LRRIQ1: variants seen among roughly 807,000 people sequenced by gnomAD.
The protein encoded by LRRIQ1 is leucine rich repeats and IQ motif containing 1.
LRRIQ1 carries 210 observed loss-of-function variants against 211.9 expected under a neutral mutation model. That is an observed-to-expected ratio of 0.99 (90% confidence interval 0.89 to 1.11). The LOEUF is 1.11. LRRIQ1 is among the 50% of genes most tolerant of loss of function. LRRIQ1 has a pLI of 0.00. For missense variants in LRRIQ1, 2,136 were observed against 1,939.5 expected, an observed-to-expected ratio of 1.10 and a Z score of -1.90; for synonymous variants, 699 against 650.1, an observed-to-expected ratio of 1.08 and a Z score of -1.14.
intron 24 of LRRIQ1, among the ~76,000 whole-genome samples, chr12:85,226,561 A>G (rs1300802759): frequency 7.5e-6 from 1 of 132,836 alleles, no homozygotes; most frequent in Non-Finnish European, 1.6e-5. Context: ...TTTAAGTTCT[A>G]GGGTACATGT....
chr12:85,107,262 C>T (rs1369565356), intron 15 of LRRIQ1, among the ~76,000 whole-genome samples: 1 of 152,004 alleles, frequency 6.6e-6, no homozygotes, highest in Non-Finnish European at 1.5e-5. Context: ...TAATTTTTAT[C>T]ATTTTTGTTT....
In LRRIQ1 at chr12:85,056,912, G is replaced by T. The variant is rs1341356835; in HGVS notation, c.2119G>T (p.Glu707Ter). The part of the protein sequence containing the change: ...VSKEVNSLKS[E>*]IRNISEKCHE... ...TAAAGAAGTCAACTCTCTTAAATCT[G>T]AGATTAGAAATATTTCAGAAAAATG... Residue 707 changes from glutamate to a stop codon, truncating the protein, a stop_gained, in exon 8 of 27, where the codon GAG becomes TAG. Transcript: ENST00000393217. LOFTEE classifies it high-confidence loss of function. The T allele has an allele frequency of 6.2e-7, 1 of 1,613,122 alleles. No individual in the cohort carries two copies. Among genetic ancestry groups the T allele is most frequent in the Non-Finnish European group, 8.5e-7 (1 of 1,179,490 alleles).
rs1454465095 is a variant in LRRIQ1 at position 85,082,116 on chromosome 12, C to T, written c.2887+9018C>T. 4.6e-5 allele frequency among the ~76,000 whole-genome samples: 7 copies of T among 152,082 alleles called. No homozygotes were observed. The South Asian group carries it at 1.2e-3, about 27-fold the overall frequency. On this transcript the variant is annotated intron_variant, in intron 11 of 26. Coordinates refer to ENST00000393217, the MANE Select transcript of LRRIQ1 (RefSeq NM_001079910.2). ...TAAGAAAATTGGTAGGTGGGAAACT[C>T]TACTGGATTTTGTCTGTAAATATCT... is the stretch of plus-strand genomic sequence containing the variant.
chr12:85,175,645 T>C (rs1039067129), intron 24 of LRRIQ1, among the ~76,000 whole-genome samples: 7 of 152,074 alleles, frequency 4.6e-5, no homozygotes, highest in Non-Finnish European at 8.8e-5. Flanking sequence ...TTAGGTCTAA[T>C]GTTTAAGTCT....
chr12:85,125,361 AC>A (rs944134838), intron 17 of LRRIQ1, among the ~76,000 whole-genome samples: 31 of 152,112 alleles, frequency 2.0e-4, no homozygotes, highest in Admixed American at 7.2e-4. Context: ...AATCAAGTAA[AC>A]CCCCTTATAA....
At chr12:85,097,807 G>A (rs569539947) in intron 11 of LRRIQ1, among the ~76,000 whole-genome samples, 168 of 151,900 alleles carry the variant, frequency 1.1e-3, no homozygotes, top group African/African-American at 3.8e-3. Flanking sequence ...TTACAGTTTC[G>A]AAGGCTCATC....
chr12:85,094,760 T>C (rs1393673392), intron 11 of LRRIQ1, among the ~76,000 whole-genome samples: 1 of 152,182 alleles, frequency 6.6e-6, no homozygotes, highest in East Asian at 1.9e-4. Flanking sequence ...GGAATGTTTT[T>C]CCATTGTATT....
At chr12:85,150,690 C>G (rs964348958) in intron 19 of LRRIQ1, among the ~76,000 whole-genome samples, 1 of 151,620 alleles carries the variant, frequency 6.6e-6, no homozygotes, top group Non-Finnish European at 1.5e-5. Flanking sequence ...CATTTTCAAC[C>G]CTTTTCTTTC....
Position 85,056,341 on chromosome 12 carries a change from T to C in LRRIQ1, c.1548T>C (p.Asp516=). The part of the protein sequence containing the change: ...TDNKTELGNS[D]LKGNLKEQFP... ...ACAAAACTGAATTGGGAAACTCTGA[T>C]CTAAAAGGAAATCTGAAAGAACAGT... The change falls in exon 8 of 27, where the codon GAT becomes GAC. Residue 516 remains aspartate, a synonymous_variant. Coordinates refer to ENST00000393217, the MANE Select transcript of LRRIQ1 (RefSeq NM_001079910.2). The C allele has an allele frequency of 6.3e-7, 1 of 1,596,296 alleles. No individual in the cohort carries two copies. Among genetic ancestry groups the C allele is most frequent in the Non-Finnish European group, 8.5e-7 (1 of 1,175,426 alleles).
chr12:85,081,779 A>G (rs1047627581), intron 11 of LRRIQ1, among the ~76,000 whole-genome samples: 17 of 126,754 alleles, frequency 1.3e-4, no homozygotes, highest in Non-Finnish European at 9.3e-5. Flanking sequence ...GCTGGAGTGC[A>G]GTGGTGGGGT....
chr12:85,195,623 C>T lies in LRRIQ1; in HGVS notation c.4823-33894C>T, dbSNP rs548371184. 7.2e-5 allele frequency among the ~76,000 whole-genome samples: 11 copies of T among 151,732 alleles called. No homozygotes were observed. The East Asian group carries it at 2.1e-3, about 29-fold the overall frequency. ...AGAAAAAGCCTTTGACAAAATTCAA[C>T]AACCCTTCATGCTAAAAACTCTCAA... On this transcript the variant is annotated intron_variant, in intron 24 of 26. Coordinates refer to ENST00000393217, the MANE Select transcript of LRRIQ1 (RefSeq NM_001079910.2).
chr12:85,194,128 C>CTAAATATA, intron 24 of LRRIQ1, among the ~76,000 whole-genome samples: 1 of 88,902 alleles, frequency 1.1e-5, no homozygotes. Context: ...GCTAACTATC[C>CTAAATATA]TAAATATATA....
At chr12:85,265,752 AAAT>A (rs541614143), downstream of LRRIQ1, among the ~76,000 whole-genome samples, 91 of 152,148 alleles carry the variant, frequency 6.0e-4, no homozygotes, top group Non-Finnish European at 9.1e-4. Flanking sequence ...ATATTAATTA[AAAT>A]AATAATATCT....
intron 26 of LRRIQ1, among the ~76,000 whole-genome samples, chr12:85,240,633 A>C (rs993333561): frequency 6.6e-6 from 1 of 152,152 alleles, no homozygotes; most frequent in Admixed American, 6.6e-5. Flanking sequence ...TAAAGAAATG[A>C]TGGTACATAC....
At chr12:85,130,200 T>C (rs1285026741) in intron 18 of LRRIQ1, among the ~76,000 whole-genome samples, 2 of 152,216 alleles carry the variant, frequency 1.3e-5, no homozygotes, top group Non-Finnish European at 2.9e-5. Context: ...TTGTCTATAC[T>C]GTACTCCTCC....
At chr12:85,176,750 A>T (rs199622271) in intron 24 of LRRIQ1, among the ~76,000 whole-genome samples, 18 of 71,044 alleles carry the variant, frequency 2.5e-4, no homozygotes, top group Middle Eastern at 0.014. Context: ...AATAAAAAAT[A>T]AAAAAAAATT....
At chr12:85,253,821 A>G (rs1185862335) in intron 1 of LRRIQ1, among the ~76,000 whole-genome samples, 3 of 152,068 alleles carry the variant, frequency 2.0e-5, no homozygotes, top group African/African-American at 7.2e-5. Context: ...CTGATGCTTC[A>G]TCAGTGAATT....
At chr12:85,160,546 A>T in intron 23 of LRRIQ1, 67 bp from the exon 24 acceptor site, 1 of 914,224 alleles carries the variant, frequency 1.1e-6, no homozygotes, top group Non-Finnish European at 1.7e-6. Context: ...TATAAGAAAT[A>T]TGTGGACATT....
intron 15 of LRRIQ1, among the ~76,000 whole-genome samples, chr12:85,110,173 ACTC>A (rs1177858910): frequency 2.0e-5 from 3 of 151,974 alleles, no homozygotes; most frequent in African/African-American, 7.3e-5. Flanking sequence ...TATTTTATGA[ACTC>A]CTCCTGTATG....
Sources: allele counts gnomAD v4.1 joint callset (sites outside exome capture counted in the v4.1 genomes callset), GRCh38; gene constraint gnomAD v4.1.1; transcripts MANE v1.5; gene names NCBI Gene and HGNC (gene_info 2026-07-23, HGNC 2026-07-21).